Variants in ROBO2 observed in about 807,000 individuals in gnomAD.
ROBO2 encodes the protein roundabout guidance receptor 2.
ROBO2 carries 53 observed loss-of-function variants against 160.8 expected under a neutral mutation model. The ratio of observed to expected loss-of-function variants is 0.33; its 90% CI spans 0.26 to 0.41. The LOEUF (loss-of-function observed/expected upper bound fraction) is 0.41. Among genes scored for constraint, ROBO2 ranks in the 10% least tolerant of loss-of-function variants. ROBO2 has a pLI of 1.00. For missense variants in ROBO2, 1,577 were observed against 1,722.4 expected, an observed-to-expected ratio of 0.92 and a Z score of 1.49; for synonymous variants, 664 against 611.7, an observed-to-expected ratio of 1.09 and a Z score of -1.26.
At chr3:75,911,930 G>T (rs1946612547) in intron 1 of ROBO2, among the ~76,000 whole-genome samples, 1 of 152,244 alleles carries the variant, frequency 6.6e-6, no homozygotes, top group Non-Finnish European at 1.5e-5. Context: ...CATTAAAAAG[G>T]CTGGATATTT....
intron 2 of ROBO2, among the ~76,000 whole-genome samples, chr3:77,026,666 T>C (rs2149530314): frequency 6.6e-6 from 1 of 152,320 alleles, no homozygotes; most frequent in East Asian, 1.9e-4. Context: ...CGGAGAGGAC[T>C]AGGCTTTAGA....
intron 2 of ROBO2, among the ~76,000 whole-genome samples, chr3:77,015,910 T>C (rs561926811): frequency 6.6e-6 from 1 of 152,336 alleles, no homozygotes; most frequent in African/African-American, 2.4e-5. Flanking sequence ...CTAAATATGG[T>C]ATTAATGCCA....
At chr3:75,999,952 G>A (rs2065835545) in intron 2 of ROBO2, among the ~76,000 whole-genome samples, 2 of 152,054 alleles carry the variant, frequency 1.3e-5, no homozygotes, top group Admixed American at 1.3e-4. Context: ...TTTCTTAAAT[G>A]GACATTGTCA....
intron 2 of ROBO2, among the ~76,000 whole-genome samples, chr3:76,686,625 A>G (rs952805496): frequency 8.5e-5 from 13 of 152,068 alleles, no homozygotes; most frequent in African/African-American, 3.1e-4. Context: ...TAGTGTTTGA[A>G]TACTAACTGA....
At chr3:76,555,418 A>AG (rs1553799554) in intron 2 of ROBO2, among the ~76,000 whole-genome samples, 2 of 80,098 alleles carry the variant, frequency 2.5e-5, no homozygotes, top group African/African-American at 7.2e-5. Context: ...GAAGAAGAAG[A>AG]AAGAAGGAGA....
chr3:77,135,400 T>C (rs901492900), intron 2 of ROBO2, among the ~76,000 whole-genome samples: 3 of 152,116 alleles, frequency 2.0e-5, no homozygotes, highest in Non-Finnish European at 4.4e-5. Context: ...CTCTTTTTAA[T>C]TTAATTAATT....
chr3:77,051,628 GCGGC>G (rs1309629084), intron 1 of ROBO2, among the ~76,000 whole-genome samples: 1 of 152,208 alleles, frequency 6.6e-6, no homozygotes, highest in East Asian at 1.9e-4. Context: ...TTTTGAAGCA[GCGGC>G]TACACATGAC....
chr3:76,824,182 A>G (rs1576862251), intron 2 of ROBO2, among the ~76,000 whole-genome samples: 1 of 152,184 alleles, frequency 6.6e-6, no homozygotes, highest in Non-Finnish European at 1.5e-5. Flanking sequence ...AGTTCCAGAG[A>G]AGGATATGGC....
chr3:76,592,402 G>T (rs1186730303), intron 2 of ROBO2, among the ~76,000 whole-genome samples: 1 of 151,966 alleles, frequency 6.6e-6, no homozygotes, highest in Non-Finnish European at 1.5e-5. Flanking sequence ...CAAAAACAAC[G>T]TCAAAATAAA....
intron 2 of ROBO2, among the ~76,000 whole-genome samples, chr3:76,647,627 T>C (rs1040396328): frequency 1.3e-5 from 2 of 152,214 alleles, no homozygotes; most frequent in Non-Finnish European, 2.9e-5. Context: ...TGAAGCTGTG[T>C]ATGATTGCGG....
At chr3:76,724,311 C>T (rs566874356) in intron 2 of ROBO2, among the ~76,000 whole-genome samples, 2 of 152,238 alleles carry the variant, frequency 1.3e-5, no homozygotes, top group South Asian at 4.1e-4. Context: ...GAAACTCTGT[C>T]TCATATTTTC....
chr3:76,619,051 A>G lies in ROBO2; in HGVS notation c.110-478963A>G, dbSNP rs556937438. 2.6e-4 allele frequency among the ~76,000 whole-genome samples: 39 copies of G among 151,442 alleles called. 1 individual carries two copies. Among genetic ancestry groups the G allele is most frequent in the African/African-American group, 9.3e-4 (38 of 40,938 alleles). The stretch of plus-strand genomic sequence containing the variant: ...GAGAGAGTGAGAGAAAAAGGAAAGA[A>G]AAAAATAGGCCGGGCGCGGTGGCTC... On this transcript the variant is annotated intron_variant, in intron 2 of 26. Transcript: ENST00000487694.
chr3:77,113,648 AAGGAGC>A (rs1328842260), intron 2 of ROBO2, among the ~76,000 whole-genome samples: 3 of 152,190 alleles, frequency 2.0e-5, no homozygotes. Flanking sequence ...AAAGAGAGAC[AAGGAGC>A]GGTCTAGTTA....
At chr3:77,007,366 C>T (rs1219131444) in intron 2 of ROBO2, among the ~76,000 whole-genome samples, 1 of 151,980 alleles carries the variant, frequency 6.6e-6, no homozygotes, top group African/African-American at 2.4e-5. Context: ...CCCACCAAAT[C>T]TTCACTGTGT....
chr3:77,577,403 A>C, intron 14 of ROBO2, 87 bp from the exon 16 acceptor site: 2 of 1,574,996 alleles, frequency 1.3e-6, no homozygotes, highest in Non-Finnish European at 1.7e-6. Context: ...GTCTCCTGCA[A>C]CTTGTCTTTA....
At chr3:76,570,488 AAACATATT>A (rs1436042315) in intron 2 of ROBO2, among the ~76,000 whole-genome samples, 1 of 152,244 alleles carries the variant, frequency 6.6e-6, no homozygotes, top group Non-Finnish European at 1.5e-5. Flanking sequence ...AAAATGAGCA[AAACATATT>A]AACCATATAA....
chr3:76,951,699 AT>A (rs1411426599), intron 2 of ROBO2, among the ~76,000 whole-genome samples: 3 of 152,086 alleles, frequency 2.0e-5, no homozygotes, highest in African/African-American at 7.2e-5. Flanking sequence ...TCCTTAATCA[AT>A]TGTTTTCTTG....
intron 2 of ROBO2, among the ~76,000 whole-genome samples, chr3:76,916,783 C>A (rs2076343285): frequency 6.6e-6 from 1 of 151,996 alleles, no homozygotes; most frequent in South Asian, 2.1e-4. Context: ...AAGAACAAAT[C>A]CAAAGAAATT....
intron 2 of ROBO2, among the ~76,000 whole-genome samples, chr3:76,967,511 C>CTTTTTT (rs59372235): frequency 1.8e-5 from 1 of 55,372 alleles, no homozygotes; most frequent in African/African-American, 8.7e-5. Flanking sequence ...CTGGCCAGCT[C>CTTTTTT]TTTTTTTTTT....
Sources: gnomAD v4.1 joint callset for allele counts (sites outside exome capture counted in the v4.1 genomes callset) on GRCh38, gnomAD v4.1.1 for gene constraint, MANE v1.5 for transcripts, NCBI Gene and HGNC (gene_info 2026-07-23, HGNC 2026-07-21) for gene names.